The following NPEPPS variants were observed in gnomAD, a reference collection of about 807,000 sequenced individuals.
NPEPPS encodes aminopeptidase puromycin sensitive.
In NPEPPS, 14 loss-of-function variants were observed where a neutral mutation model predicts 115.5. The observed-to-expected ratio is 0.12, with a 90% CI of 0.08 to 0.19. The LOEUF is 0.19. Ranked by LOEUF, NPEPPS falls within the 10% of genes least tolerant of loss-of-function variation. The pLI, the probability that NPEPPS is intolerant of heterozygous loss-of-function variation, is 1.00. For missense variants in NPEPPS, 523 were observed against 1,110.8 expected (o/e 0.47, Z 7.52); for synonymous variants, 285 against 390.6 (o/e 0.73, Z 3.19).
chr17:47,542,629 A>T (rs942656242), intron 1 of NPEPPS, among the ~76,000 whole-genome samples: 2 of 151,952 alleles, frequency 1.3e-5, no homozygotes, highest in African/African-American at 4.8e-5. Flanking sequence ...CATTGGCTCC[A>T]AGAAATGGCT....
At position 47,548,037 on chromosome 17, in the gene NPEPPS, T is replaced by A. The variant is rs113546757; in HGVS notation, c.340+2044T>A. On this transcript the variant is annotated intron_variant, in intron 2 of 22. Transcript: ENST00000322157. ...CGAGACTCCGTCTCAAAAAAATAAA[T>A]AAATAAATAAAATAAAATAATTTAC... Among the ~76,000 whole-genome samples the A allele has an allele frequency of 4.7e-4, 71 of 152,074 alleles. 1 individual carries two copies. Among genetic ancestry groups the A allele is most frequent in the African/African-American group, 1.6e-3 (66 of 41,422 alleles).
intron 9 of NPEPPS, among the ~76,000 whole-genome samples, chr17:47,588,852 A>G (rs1316202213): frequency 1.3e-5 from 2 of 152,152 alleles, no homozygotes; most frequent in East Asian, 3.9e-4. Context: ...TTGGAAAATA[A>G]GTTTCATTTT....
At chr17:47,539,575 C>T (rs1908602587) in intron 1 of NPEPPS, among the ~76,000 whole-genome samples, 1 of 152,112 alleles carries the variant, frequency 6.6e-6, no homozygotes, top group African/African-American at 2.4e-5. Flanking sequence ...CCATTTCCAT[C>T]TCGTCCCACC....
chr17:47,557,936 GTTTT>G (rs558714475), intron 2 of NPEPPS, among the ~76,000 whole-genome samples: 1 of 133,170 alleles, frequency 7.5e-6, no homozygotes, highest in African/African-American at 2.7e-5. Flanking sequence ...TTGATTCCAT[GTTTT>G]TTTTTTTTTT....
chr17:47,525,780 G>A (rs967340496), intron 1 of NPEPPS, among the ~76,000 whole-genome samples: 1 of 152,088 alleles, frequency 6.6e-6, no homozygotes, highest in African/African-American at 2.4e-5. Context: ...ATTGTCTCTT[G>A]GTTAATTGGT....
intron 11 of NPEPPS, among the ~76,000 whole-genome samples, chr17:47,592,269 G>A (rs7223042): frequency 3.3e-3 from 497 of 152,058 alleles, no homozygotes; most frequent in African/African-American, 0.012. Flanking sequence ...GTTTGGGAGT[G>A]GAAATGGGAG....
intron 12 of NPEPPS, 151 bp downstream of exon 12, chr17:47,592,696 C>G (rs1249432680): frequency 1.6e-6 from 1 of 630,628 alleles, no homozygotes; most frequent in African/African-American, 1.9e-5. Flanking sequence ...GGTTGAATAT[C>G]TCTAATCTCA....
At chr17:47,526,076 G>A (rs1198418131) in intron 1 of NPEPPS, among the ~76,000 whole-genome samples, 2 of 152,132 alleles carry the variant, frequency 1.3e-5, no homozygotes, top group African/African-American at 2.4e-5. Context: ...GCCAGACATG[G>A]TGGCGCATGC....
At chr17:47,547,776 CAGCACTTTGGGA>C (rs1293540563) in intron 2 of NPEPPS, among the ~76,000 whole-genome samples, 3 of 152,092 alleles carry the variant, frequency 2.0e-5, no homozygotes, top group Non-Finnish European at 4.4e-5. Context: ...CCTGTAATTC[CAGCACTTTGGGA>C]GGCCGAGGCG....
At chr17:47,528,802 A>G (rs1907539500), upstream of NPEPPS, among the ~76,000 whole-genome samples, 1 of 151,574 alleles carries the variant, frequency 6.6e-6, no homozygotes. Context: ...TGCCTGGCTA[A>G]TTTTTGTATT....
intron 2 of NPEPPS, among the ~76,000 whole-genome samples, chr17:47,552,958 G>A (rs1308813971): frequency 2.6e-5 from 4 of 152,078 alleles, no homozygotes; most frequent in Non-Finnish European, 2.9e-5. Context: ...AAACCCAGGC[G>A]GTTTGGATCT....
chr17:47,562,798 G>A (rs1312877879), intron 2 of NPEPPS, among the ~76,000 whole-genome samples: 2 of 126,476 alleles, frequency 1.6e-5, no homozygotes, highest in African/African-American at 2.7e-5. Flanking sequence ...AAAAAAAAAA[G>A]AATCTCTTCA....
intron 9 of NPEPPS, among the ~76,000 whole-genome samples, chr17:47,589,213 C>T (rs1912363250): frequency 2.0e-5 from 3 of 151,822 alleles, no homozygotes; most frequent in African/African-American, 7.3e-5. Context: ...TCCCAAAGTG[C>T]TGGGATTACA....
At chr17:47,597,709 A>G (rs1020921907) in intron 13 of NPEPPS, among the ~76,000 whole-genome samples, 7 of 152,188 alleles carry the variant, frequency 4.6e-5, no homozygotes, top group African/African-American at 1.7e-4. Context: ...CAATGTGGCA[A>G]TCTAAGTTAT....
At chr17:47,568,758 C>G (rs1324324700) in intron 2 of NPEPPS, among the ~76,000 whole-genome samples, 9 of 151,994 alleles carry the variant, frequency 5.9e-5, no homozygotes, top group Admixed American at 2.6e-4. Context: ...CGGGTTCAAG[C>G]GATTCTCCTG....
In NPEPPS at chr17:47,596,813, C is replaced by T. The variant is rs188376150; in HGVS notation, c.1536+351C>T. Among the ~76,000 whole-genome samples the T allele has an allele frequency of 3.3e-3, 509 of 152,254 alleles. 1 individual carries two copies. Among genetic ancestry groups the T allele is most frequent in the African/African-American group, 0.012 (486 of 41,544 alleles). On this transcript the variant is annotated intron_variant, in intron 13 of 22. Coordinates refer to ENST00000322157, the MANE Select transcript of NPEPPS (RefSeq NM_006310.4). Reference sequence around the variant, plus strand: ...CTGTAATCCCAACACTCTGGGAGGCCGTGGCGGGTGGATCACTTGAGGTCG... The same window carrying T: ...CTGTAATCCCAACACTCTGGGAGGCTGTGGCGGGTGGATCACTTGAGGTCG...
intron 2 of NPEPPS, among the ~76,000 whole-genome samples, chr17:47,553,755 C>G (rs1235050114): frequency 6.6e-6 from 1 of 150,948 alleles, no homozygotes; most frequent in Non-Finnish European, 1.5e-5. Flanking sequence ...GTGCGTCTCT[C>G]TCTCTTTTTT....
chr17:47,562,461 A>G (rs1910492576), intron 2 of NPEPPS, among the ~76,000 whole-genome samples: 1 of 152,136 alleles, frequency 6.6e-6, no homozygotes, highest in Non-Finnish European at 1.5e-5. Context: ...TACTGTGTTG[A>G]TGATTGTGGT....
chr17:47,613,864 T>A, intron 19 of NPEPPS, 139 bp downstream of exon 19: 1 of 604,008 alleles, frequency 1.7e-6, no homozygotes. Context: ...TTTAAAACTG[T>A]GAGAGAATTA....
Sources: gnomAD v4.1 joint callset for allele counts (sites outside exome capture counted in the v4.1 genomes callset) on GRCh38, gnomAD v4.1.1 for gene constraint, MANE v1.5 for transcripts, NCBI Gene and HGNC (gene_info 2026-07-23, HGNC 2026-07-21) for gene names.